Variants in CSMD2 observed in about 807,000 individuals in gnomAD.
The protein encoded by CSMD2 is CUB and sushi domain-containing protein 2.
In CSMD2, 130 loss-of-function variants were observed where a neutral mutation model predicts 398.5. The ratio of observed to expected loss-of-function variants is 0.33; its 90% confidence interval spans 0.28 to 0.38. CSMD2 has a LOEUF of 0.38. Among genes scored for constraint, CSMD2 ranks in the 10% least tolerant of loss-of-function variants. The probability of loss-of-function intolerance (pLI) is 1.00; values close to 1 mark genes in which losing one functional copy is unlikely to be tolerated. For missense variants in CSMD2, 3,829 were observed against 4,764.9 expected, an observed-to-expected ratio of 0.80 and a Z score of 5.78; for synonymous variants, 1,828 against 1,908.5, an observed-to-expected ratio of 0.96 and a Z score of 1.10.
chr1:33,922,236 G>A lies in CSMD2; in HGVS notation c.713-3935C>T, dbSNP rs1430384479. 3.9e-5 allele frequency among the ~76,000 whole-genome samples: 6 copies of A among 152,218 alleles called. No individual in the cohort carries two copies. In the South Asian group the frequency reaches 1.0e-3, roughly 26 times the overall value. On this transcript the variant is annotated intron_variant, in intron 4 of 70. Transcript: ENST00000373381. ...AGAGAGGGAAGCTCCCACCACAGGA[G>A]TGGAGAAGGCTGGGGACTGAACAGA...
At chr1:33,731,023 C>A (rs538870082) in intron 15 of CSMD2, among the ~76,000 whole-genome samples, 11 of 152,208 alleles carry the variant, frequency 7.2e-5, no homozygotes, top group African/African-American at 2.6e-4. Flanking sequence ...AGAAAATGTA[C>A]AAGATGATGT....
At chr1:33,708,019 TATC>T (rs1469891548) in intron 22 of CSMD2, among the ~76,000 whole-genome samples, 1 of 152,184 alleles carries the variant, frequency 6.6e-6, no homozygotes, top group Non-Finnish European at 1.5e-5. Flanking sequence ...AGGCTTTCCT[TATC>T]ATTCATTTTA....
At chr1:33,614,198 C>A (rs1005631438) in intron 40 of CSMD2, among the ~76,000 whole-genome samples, 11 of 135,738 alleles carry the variant, frequency 8.1e-5, no homozygotes, top group African/African-American at 2.8e-4. Flanking sequence ...TTTTTAATAT[C>A]AAGTGATACA....
intron 25 of CSMD2, among the ~76,000 whole-genome samples, chr1:33,685,041 G>A (rs1285407017): frequency 6.6e-6 from 1 of 152,236 alleles, no homozygotes; most frequent in Non-Finnish European, 1.5e-5. Context: ...CTAATGAGAT[G>A]TAGGACAGTA....
At chr1:34,008,374 C>T (rs10914836) in intron 3 of CSMD2, among the ~76,000 whole-genome samples, 13,003 of 152,240 alleles carry the variant, frequency 0.085, 1,100 homozygotes, top group East Asian at 0.39. Context: ...TCGGGTTTTC[C>T]AACCCCAAAT....
At chr1:33,623,573 C>T in intron 35 of CSMD2, 107 bp from the exon 36 acceptor site, 1 of 779,648 alleles carries the variant, frequency 1.3e-6, no homozygotes, top group Admixed American at 2.0e-5. Context: ...TGTTGAGAAT[C>T]TACTCTGGGC....
chr1:33,822,720 G>A (rs1004566405), intron 7 of CSMD2, among the ~76,000 whole-genome samples: 7 of 152,122 alleles, frequency 4.6e-5, no homozygotes, highest in African/African-American at 1.7e-4. Flanking sequence ...TGCAAGTAAT[G>A]GAACGGAGAT....
At chr1:33,857,859 T>A (rs1204799352) in intron 5 of CSMD2, among the ~76,000 whole-genome samples, 1 of 152,234 alleles carries the variant, frequency 6.6e-6, no homozygotes, top group African/African-American at 2.4e-5. Context: ...GAGAAGTAGG[T>A]GGACTGAATA....
rs901307028 is a variant in CSMD2 at position 34,156,495 on chromosome 1, G to A, written c.187+8416C>T. Among the ~76,000 whole-genome samples, 23 of 152,136 alleles carry A rather than the reference G, an allele frequency of 1.5e-4. No individual in the cohort carries two copies. In the East Asian group the frequency reaches 2.7e-3, roughly 18 times the overall value. On this transcript the variant is annotated intron_variant, in intron 1 of 70. Coordinates refer to ENST00000373381, the MANE Select transcript of CSMD2 (RefSeq NM_001281956.2). ...GCTTTTTCCCTTTACAGTTACATCC[G>A]TCACACTCACTTACTTTCAATCAAT... is the stretch of plus-strand genomic sequence containing the variant.
At position 33,519,596 on chromosome 1, in the gene CSMD2, G is replaced by A. The variant is rs747855239; in HGVS notation, c.10818C>T (p.Tyr3606=). ...TGTCTGTGGGCTGGATGTTGCGGTCGTACATTGGGTTCTCAAATGTGGCCC... is the reference window on the plus strand; with the variant it reads ...TGTCTGTGGGCTGGATGTTGCGGTCATACATTGGGTTCTCAAATGTGGCCC... The part of the protein sequence containing the change: ...NVRATFENPM[Y]DRNIQPTDIM... Residue 3606 remains tyrosine (Y), a synonymous_variant, in exon 70 of 71, where the codon TAC becomes TAT. Coordinates refer to ENST00000373381, the MANE Select transcript of CSMD2 (RefSeq NM_001281956.2). The surrounding 1 kb of genome is among the most constrained non-coding windows in gnomAD (Gnocchi z 5.6). The A allele has an allele frequency of 3.6e-5, 58 of 1,613,962 alleles. No homozygotes were observed. The highest frequency in any genetic ancestry group is 5.5e-5 in the South Asian group (5 of 91,088).
In CSMD2 at chr1:33,662,936, G is replaced by A. The variant is rs1411420634; in HGVS notation, c.4209C>T (p.Ser1403=). ...CCTGCTTGCTGGTGAAGAAGTCAGT[G>A]CTGAACTGCAGGACGACCGAGTTGA... ...STFNSVVLQF[S]TDFFTSKQGF... The change falls in exon 26 of 71, where the codon AGC becomes AGT. Residue 1403 remains serine (S), a synonymous_variant. Coordinates refer to ENST00000373381, the MANE Select transcript of CSMD2 (RefSeq NM_001281956.2). The A allele has an allele frequency of 6.2e-7, 1 of 1,614,204 alleles. No homozygotes were observed. The highest frequency in any genetic ancestry group is 1.7e-5 in the Admixed American group (1 of 60,028).
At chr1:33,952,023 G>T (rs1645023290) in intron 3 of CSMD2, among the ~76,000 whole-genome samples, 1 of 152,186 alleles carries the variant, frequency 6.6e-6, no homozygotes, top group Admixed American at 6.5e-5. Flanking sequence ...GGAGCCAAGT[G>T]GTCCAGTGTG....
chr1:33,740,225 C>T lies in CSMD2; in HGVS notation c.2174-891G>A, dbSNP rs1005443663. Among the ~76,000 whole-genome samples the T allele has an allele frequency of 2.0e-5, 3 of 152,020 alleles. 1 individual carries two copies. The highest frequency in any genetic ancestry group is 7.3e-5 in the African/African-American group (3 of 41,336). ...ATACTCTTTCCTGCTCAGTCTCTAC[C>T]AAGCATGTTCCCTGCCTTCCTCCAG... On this transcript the variant is annotated intron_variant, in intron 14 of 70. Coordinates refer to ENST00000373381, the MANE Select transcript of CSMD2 (RefSeq NM_001281956.2).
chr1:33,987,806 C>G (rs1646412010), intron 3 of CSMD2, among the ~76,000 whole-genome samples: 2 of 152,182 alleles, frequency 1.3e-5, no homozygotes. Context: ...CCCCTAAAAT[C>G]AGTAGCACCA....
intron 6 of CSMD2, among the ~76,000 whole-genome samples, chr1:33,832,047 C>T (rs1008476406): frequency 4.7e-5 from 7 of 150,302 alleles, no homozygotes; most frequent in African/African-American, 9.9e-5. Flanking sequence ...ACTTAGACTC[C>T]CACACAATAA....
intron 49 of CSMD2, among the ~76,000 whole-genome samples, chr1:33,576,993 C>T (rs1410742750): frequency 2.6e-5 from 4 of 152,132 alleles, no homozygotes; most frequent in African/African-American, 7.2e-5. Context: ...GGGAGCCCTC[C>T]CCAGCTGGCC....
At chr1:33,873,597 A>T (rs1436666135) in intron 5 of CSMD2, 1 of 152,228 alleles carries the variant, frequency 6.6e-6, no homozygotes, top group Non-Finnish European at 1.5e-5. Context: ...GTCTCTGGTC[A>T]ATAGCACTGA....
At chr1:33,897,584 C>T (rs1642472940) in intron 5 of CSMD2, among the ~76,000 whole-genome samples, 8 of 152,192 alleles carry the variant, frequency 5.3e-5, no homozygotes. Flanking sequence ...GGTCACCCCT[C>T]CTGCAGCCAG....
chr1:33,631,875 CA>C (rs1318872312), intron 32 of CSMD2, among the ~76,000 whole-genome samples: 1 of 151,984 alleles, frequency 6.6e-6, no homozygotes, highest in Non-Finnish European at 1.5e-5. Context: ...TAAGCAACAA[CA>C]GCCAATAAAA....
Sources: allele counts gnomAD v4.1 joint callset (sites outside exome capture counted in the v4.1 genomes callset), GRCh38; gene constraint gnomAD v4.1.1; non-coding constraint Gnocchi (gnomAD v3.1); transcripts MANE v1.5; gene names NCBI Gene and HGNC (gene_info 2026-07-23, HGNC 2026-07-21).